RAD51B: variants seen among roughly 807,000 people sequenced by gnomAD.
RAD51B encodes the protein RAD51 paralog B.
In RAD51B, 38 loss-of-function variants were observed where a neutral mutation model predicts 42.2. That is an observed-to-expected ratio of 0.90 (90% confidence interval 0.70 to 1.18). RAD51B has a LOEUF of 1.18. RAD51B is among the 50% of genes most tolerant of loss of function. The pLI, the probability that RAD51B is intolerant of heterozygous loss-of-function variation, is 0.00. For synonymous variants in RAD51B, 154 were observed against 145.2 expected, an observed-to-expected ratio of 1.06 and a Z score of -0.43; for missense variants, 373 against 400.7, an observed-to-expected ratio of 0.93 and a Z score of 0.59.
intron 11 of RAD51B, among the ~76,000 whole-genome samples, chr14:68,673,855 T>G (rs1321743901): frequency 1.5e-5 from 2 of 134,078 alleles, no homozygotes; most frequent in Non-Finnish European, 3.1e-5. Flanking sequence ...ACATGCACAC[T>G]CATACATGTA....
intron 10 of RAD51B, among the ~76,000 whole-genome samples, chr14:68,647,139 A>G (rs1338463153): frequency 6.6e-6 from 1 of 152,252 alleles, no homozygotes; most frequent in Non-Finnish European, 1.5e-5. Context: ...TCCTCAGATC[A>G]CTGGAGGAAA....
intron 10 of RAD51B, among the ~76,000 whole-genome samples, chr14:68,618,301 CA>C (rs1333119382): frequency 6.6e-6 from 1 of 152,196 alleles, no homozygotes; most frequent in Non-Finnish European, 1.5e-5. Context: ...AAAAGAGACA[CA>C]AACAGGAAAC....
intron 9 of RAD51B, among the ~76,000 whole-genome samples, chr14:68,440,050 A>G (rs2085248145): frequency 6.6e-6 from 1 of 152,216 alleles, no homozygotes; most frequent in Non-Finnish European, 1.5e-5. Context: ...TTAGTGATGC[A>G]TTTGGATTCT....
chr14:68,120,461 G>A (rs2077628847), intron 7 of RAD51B, among the ~76,000 whole-genome samples: 1 of 152,102 alleles, frequency 6.6e-6, no homozygotes, highest in Non-Finnish European at 1.5e-5. Context: ...TTCTCATTAG[G>A]GCAGAGATCT....
chr14:67,923,292 CTT>C (rs2044389115), intron 7 of RAD51B, among the ~76,000 whole-genome samples: 1 of 129,474 alleles, frequency 7.7e-6, no homozygotes, highest in African/African-American at 3.4e-5. Context: ...CTTTCTTTTT[CTT>C]TTTCTTTTTT....
intron 11 of RAD51B, among the ~76,000 whole-genome samples, chr14:68,656,748 A>G (rs746812823): frequency 6.6e-6 from 1 of 152,002 alleles, no homozygotes; most frequent in African/African-American, 2.4e-5. Flanking sequence ...CCAGGCCCCA[A>G]TTTTTCACAG....
At chr14:68,061,054 T>A (rs71421398) in intron 7 of RAD51B, among the ~76,000 whole-genome samples, 2 of 74,890 alleles carry the variant, frequency 2.7e-5, no homozygotes, top group Non-Finnish European at 4.8e-5. Flanking sequence ...ATTTGAGGTC[T>A]TTTTTTTTTT....
chr14:68,307,228 T>G (rs1396131289), intron 8 of RAD51B, among the ~76,000 whole-genome samples: 1 of 152,100 alleles, frequency 6.6e-6, no homozygotes, highest in Non-Finnish European at 1.5e-5. Context: ...AAGTGAACAA[T>G]GTCTCTTGCA....
At chr14:68,084,061 T>A (rs1014554499) in intron 7 of RAD51B, among the ~76,000 whole-genome samples, 2 of 152,166 alleles carry the variant, frequency 1.3e-5, no homozygotes, top group African/African-American at 4.8e-5. Context: ...TGTTTATTTT[T>A]GTTGGGAGTG....
chr14:68,488,579 C>G lies in RAD51B; in HGVS notation c.1036+20329C>G, dbSNP rs577910226. On this transcript the variant is annotated intron_variant, in intron 10 of 10. Transcript: ENST00000487270. Reference sequence around the variant, plus strand: ...GCCCCCACCCTTAATACCCTATCACCCTTGCCTGCCTTCAGTAAGAATCCT... The same window carrying G: ...GCCCCCACCCTTAATACCCTATCACGCTTGCCTGCCTTCAGTAAGAATCCT... Among the ~76,000 whole-genome samples the G allele has an allele frequency of 2.0e-5, 3 of 152,312 alleles. No individual in the cohort carries two copies. The South Asian group carries it at 6.2e-4, about 32-fold the overall frequency.
At chr14:68,326,466 C>T (rs1158259076) in intron 8 of RAD51B, among the ~76,000 whole-genome samples, 1 of 152,174 alleles carries the variant, frequency 6.6e-6, no homozygotes, top group Non-Finnish European at 1.5e-5. Flanking sequence ...GAAAGGGTGA[C>T]AGGTTGTAAG....
intron 10 of RAD51B, among the ~76,000 whole-genome samples, chr14:68,608,826 G>A (rs116380286): frequency 2.0e-3 from 301 of 152,282 alleles, no homozygotes; most frequent in African/African-American, 7.0e-3. Context: ...CCCCAGCCAA[G>A]GCTCTGGGCT....
At chr14:68,249,609 T>C (rs566213400) in intron 7 of RAD51B, among the ~76,000 whole-genome samples, 3 of 152,344 alleles carry the variant, frequency 2.0e-5, no homozygotes, top group South Asian at 4.1e-4. Flanking sequence ...AACTGGACTA[T>C]AGTTTTACAC....
intron 7 of RAD51B, among the ~76,000 whole-genome samples, chr14:68,250,492 C>T (rs2080603704): frequency 6.6e-6 from 1 of 152,216 alleles, no homozygotes; most frequent in Non-Finnish European, 1.5e-5. Flanking sequence ...ACAATTTCAT[C>T]AATTCCTTTA....
At chr14:67,923,551 A>G (rs545408616) in intron 7 of RAD51B, among the ~76,000 whole-genome samples, 105 of 152,154 alleles carry the variant, frequency 6.9e-4, no homozygotes, top group African/African-American at 2.5e-3. Context: ...CGCCCACCTC[A>G]GCCTCCCAAA....
chr14:68,280,132 A>G (rs1366584165), intron 7 of RAD51B, among the ~76,000 whole-genome samples: 1 of 152,246 alleles, frequency 6.6e-6, no homozygotes. Context: ...TGCCGGACCT[A>G]CTGGAGCATG....
chr14:68,534,527 G>T (rs1271093371), intron 10 of RAD51B, among the ~76,000 whole-genome samples: 1 of 152,136 alleles, frequency 6.6e-6, no homozygotes, highest in Non-Finnish European at 1.5e-5. Context: ...TCTGGGATAT[G>T]GGACAGTGAG....
intron 9 of RAD51B, among the ~76,000 whole-genome samples, chr14:68,430,239 T>C (rs1039489729): frequency 7.9e-5 from 12 of 152,202 alleles, no homozygotes; most frequent in African/African-American, 2.9e-4. Flanking sequence ...GGGCTCTTTT[T>C]TGGTTCCATA....
chr14:68,561,068 G>T (rs903315842), intron 10 of RAD51B, among the ~76,000 whole-genome samples: 1 of 152,118 alleles, frequency 6.6e-6, no homozygotes, highest in African/African-American at 2.4e-5. Flanking sequence ...GTTCCAAATG[G>T]TTTGGCAGAA....
Sources: gnomAD v4.1 joint callset for allele counts (sites outside exome capture counted in the v4.1 genomes callset) on GRCh38, gnomAD v4.1.1 for gene constraint, MANE v1.5 for transcripts, NCBI Gene and HGNC (gene_info 2026-07-23, HGNC 2026-07-21) for gene names.